Variants in GPN3 observed in about 807,000 individuals in gnomAD.
GPN3 encodes GPN-loop GTPase 3, also known as ATP-binding domain 1 family member C.
GPN3 carries 31 observed loss-of-function variants against 38.7 expected under a neutral mutation model. The observed-to-expected ratio is 0.80, with a 90% CI of 0.60 to 1.08. The LOEUF (loss-of-function observed/expected upper bound fraction) is 1.08, where lower values mean the gene tolerates loss of function less well. GPN3 is among the 50% of genes least tolerant of loss of function. The probability of loss-of-function intolerance (pLI) is 0.00; values close to 1 mark genes in which losing one functional copy is unlikely to be tolerated. For synonymous variants in GPN3, 116 were observed against 120.2 expected, an observed-to-expected ratio of 0.96 and a Z score of 0.23; for missense variants, 301 against 354.4, an observed-to-expected ratio of 0.85 and a Z score of 1.21.
intron 1 of GPN3, among the ~76,000 whole-genome samples, chr12:110,467,687 C>T: frequency 8.9e-6 from 1 of 112,820 alleles, no homozygotes; most frequent in South Asian, 2.6e-4. Flanking sequence ...CATGTACCAC[C>T]TACCACCTAA....
intron 5 of GPN3, 33 bp downstream of exon 5, chr12:110,455,782 G>T: frequency 8.4e-7 from 1 of 1,189,590 alleles, no homozygotes; most frequent in Non-Finnish European, 1.3e-6. Context: ...CTGCAACTGA[G>T]ATCTGATAAT....
In GPN3 at chr12:110,458,412, T is replaced by C. The variant is rs951404043; in HGVS notation, c.326-778A>G. Among the ~76,000 whole-genome samples the C allele has an allele frequency of 2.6e-5, 4 of 152,192 alleles. No homozygotes were observed. The highest frequency in any genetic ancestry group is 2.6e-4 in the Admixed American group (4 of 15,270). On this transcript the variant is annotated intron_variant, in intron 3 of 7. Transcript: ENST00000228827. This position sits in a 1 kb window ranked among gnomAD's most constrained non-coding sequence, Gnocchi z 4.4. Reference sequence around the variant, plus strand: ...ACATATATACTTTTCTGTGGGTATATGTATGGTCAATTAAAAGCAAGGGGA... The same window carrying C: ...ACATATATACTTTTCTGTGGGTATACGTATGGTCAATTAAAAGCAAGGGGA...
At position 110,455,572 on chromosome 12, in the gene GPN3, C is replaced by G. The variant is rs1321109324; in HGVS notation, c.663+14G>C. 8.3e-7 allele frequency: 1 copy of G among 1,210,304 alleles called. No individual in the cohort carries two copies. The highest frequency in any genetic ancestry group is 2.3e-5 in the East Asian group (1 of 43,136). The allele number at this position is 1,210,304 out of a possible 1,614,324, so 75.0% of individuals were successfully genotyped here. On this transcript the variant is annotated intron_variant, in intron 6 of 7. Transcript: ENST00000228827. ...ACTGCACCTGGCCAAAAAATCCAAA[C>G]TTTAAAAGCTTACCAGTCCACATAT... is the stretch of plus-strand genomic sequence containing the variant.
At chr12:110,454,852 G>A (rs2062538741) in intron 6 of GPN3, among the ~76,000 whole-genome samples, 1 of 149,184 alleles carries the variant, frequency 6.7e-6, no homozygotes, top group African/African-American at 2.5e-5. Flanking sequence ...ACAGAGTCTT[G>A]CTGTTGTTGG....
rs570128312 is a variant in GPN3 at position 110,458,218 on chromosome 12, C to A, written c.326-584G>T. 6.7e-6 allele frequency among the ~76,000 whole-genome samples: 1 copy of A among 149,720 alleles called. No homozygotes were observed. Among genetic ancestry groups the A allele is most frequent in the Non-Finnish European group, 1.5e-5 (1 of 67,384 alleles). ...TATTGGCCAGATGCCATGGTTCACA[C>A]ACCTGTAATCCCAGCACTTTGGGAG... is the stretch of plus-strand genomic sequence containing the variant. On this transcript the variant is annotated intron_variant, in intron 3 of 7. Coordinates refer to ENST00000228827, the MANE Select transcript of GPN3 (RefSeq NM_016301.4). This position sits in a 1 kb window ranked among gnomAD's most constrained non-coding sequence, Gnocchi z 4.4.
chr12:110,456,329 C>CAAAAAA (rs59734369), intron 4 of GPN3, among the ~76,000 whole-genome samples: 7 of 67,030 alleles, frequency 1.0e-4, no homozygotes, highest in Admixed American at 1.8e-4. Context: ...AACTTGGTCT[C>CAAAAAA]AAAAAAAAAA....
intron 1 of GPN3, among the ~76,000 whole-genome samples, chr12:110,467,176 GAC>G (rs2062637130): frequency 6.6e-6 from 1 of 151,890 alleles, no homozygotes; most frequent in Admixed American, 6.6e-5. Context: ...TTTTTGTAGA[GAC>G]AGAGTTTCGC....
intron 2 of GPN3, among the ~76,000 whole-genome samples, chr12:110,464,303 G>A (rs2062611921): frequency 6.6e-6 from 1 of 152,080 alleles, no homozygotes; most frequent in Admixed American, 6.6e-5. Flanking sequence ...TCATGAGCCT[G>A]TCTGCAGTCA....
chr12:110,454,486 G>A (rs552471819), intron 6 of GPN3, among the ~76,000 whole-genome samples: 2 of 150,366 alleles, frequency 1.3e-5, no homozygotes, highest in South Asian at 4.2e-4. Flanking sequence ...CTGAGTAGCT[G>A]GGATTACAGG....
At chr12:110,460,928 C>T in intron 2 of GPN3, 1 of 816,086 alleles carries the variant, frequency 1.2e-6, no homozygotes, top group Non-Finnish European at 2.1e-6. Context: ...CACGCCACTG[C>T]TCTCAAGCCC....
chr12:110,467,915 A>T (rs2062647453), intron 1 of GPN3, among the ~76,000 whole-genome samples: 1 of 152,206 alleles, frequency 6.6e-6, no homozygotes, highest in Non-Finnish European at 1.5e-5. Flanking sequence ...GGGTTGTTGT[A>T]GAAATAAGCG....
chr12:110,457,676 T>C (rs1404724244), intron 3 of GPN3, 42 bp from the exon 4 acceptor site: 58 of 1,491,292 alleles, frequency 3.9e-5, no homozygotes, highest in Non-Finnish European at 4.5e-5. Context: ...ATAGCAAGTA[T>C]GTTAAATCAT....
chr12:110,460,909 A>G (rs903396158), intron 2 of GPN3: 2 of 728,274 alleles, frequency 2.7e-6, no homozygotes, highest in Admixed American at 2.1e-5. Flanking sequence ...GGTTGCAGTG[A>G]GCCAAGATCA....
intron 4 of GPN3, among the ~76,000 whole-genome samples, chr12:110,457,078 T>G (rs2062555447): frequency 1.3e-5 from 2 of 152,076 alleles, no homozygotes; most frequent in Non-Finnish European, 2.9e-5. Context: ...AACAACATGT[T>G]ATAATTTAAT....
In GPN3 at chr12:110,461,041, C is replaced by T. The variant is rs2062584274; in HGVS notation, c.158-1179G>A. 7.6e-6 allele frequency: 12 copies of T among 1,588,966 alleles called. No homozygotes were observed. The South Asian group carries it at 7.7e-5, about 10-fold the overall frequency. On this transcript the variant is annotated intron_variant, in intron 2 of 7. Coordinates refer to ENST00000228827, the MANE Select transcript of GPN3 (RefSeq NM_016301.4). ...AGAAAAAGGGCCATTCTGCCATCAA[C>T]GAAGTGGTAACCCGAGAATACACCA...
chr12:110,465,385 G>C (rs1478813796), intron 1 of GPN3, among the ~76,000 whole-genome samples, 171 bp from the exon 2 acceptor site: 1 of 152,208 alleles, frequency 6.6e-6, no homozygotes, highest in African/African-American at 2.4e-5. Flanking sequence ...ACCTGACTTA[G>C]ACTCATGGGT....
At chr12:110,467,523 T>G (rs1239059285) in intron 1 of GPN3, among the ~76,000 whole-genome samples, 1 of 152,224 alleles carries the variant, frequency 6.6e-6, no homozygotes, top group Non-Finnish European at 1.5e-5. Flanking sequence ...GACTAAGAAC[T>G]GCTCTCTGAA....
intron 1 of GPN3, among the ~76,000 whole-genome samples, chr12:110,467,713 C>T (rs1033083303): frequency 6.6e-6 from 1 of 152,146 alleles, no homozygotes; most frequent in Non-Finnish European, 1.5e-5. Flanking sequence ...CCTTAAATAC[C>T]AAAAGTCCAT....
At chr12:110,466,429 T>C (rs1429758347) in intron 1 of GPN3, among the ~76,000 whole-genome samples, 1 of 152,056 alleles carries the variant, frequency 6.6e-6, no homozygotes, top group Non-Finnish European at 1.5e-5. Flanking sequence ...AAAACATCCA[T>C]CATGCTGTCC....
Sources: allele counts gnomAD v4.1 joint callset (sites outside exome capture counted in the v4.1 genomes callset), GRCh38; gene constraint gnomAD v4.1.1; non-coding constraint Gnocchi (gnomAD v3.1); transcripts MANE v1.5; gene names NCBI Gene and HGNC (gene_info 2026-07-23, HGNC 2026-07-21).